DPP10: variants seen among roughly 807,000 people sequenced by gnomAD.
DPP10 encodes the protein inactive dipeptidyl peptidase 10.
In DPP10, 33 loss-of-function variants were observed where a neutral mutation model predicts 120.9. That is an observed-to-expected ratio of 0.27 (90% CI 0.21 to 0.37). The LOEUF (loss-of-function observed/expected upper bound fraction) is 0.37. DPP10 is among the 10% of genes least tolerant of loss of function. The pLI is 1.00. For missense variants in DPP10, 816 were observed against 942.8 expected, an observed-to-expected ratio of 0.87 and a Z score of 1.76; for synonymous variants, 337 against 326.1, an observed-to-expected ratio of 1.03 and a Z score of -0.36.
At chr2:115,045,288 C>A (rs1411934005) in intron 1 of DPP10, among the ~76,000 whole-genome samples, 2 of 152,094 alleles carry the variant, frequency 1.3e-5, no homozygotes, top group African/African-American at 2.4e-5. Flanking sequence ...TAGTCTGCTG[C>A]CAGATATATT....
Position 115,743,643 on chromosome 2 carries a change from T to TTCCTATCACC in DPP10, c.853-2442_853-2441insCCTATCACCT, listed in dbSNP as rs1331326662. Among the ~76,000 whole-genome samples the TTCCTATCACC allele has an allele frequency of 1.3e-3, 199 of 151,312 alleles. 16 individuals carry two copies. The highest frequency in any genetic ancestry group is 6.0e-3 in the Admixed American group (88 of 14,608). On this transcript the variant is annotated intron_variant, in intron 9 of 25. Coordinates refer to ENST00000410059, the MANE Select transcript of DPP10 (RefSeq NM_020868.6). The stretch of plus-strand genomic sequence containing the variant: ...TATTTTAGGCACTTTACATAAATCT[T>TTCCTATCACC]TTTATTAGTTTATGAGATATTCTTA...
At chr2:115,522,449 C>T (rs923739035) in intron 4 of DPP10, among the ~76,000 whole-genome samples, 1 of 152,180 alleles carries the variant, frequency 6.6e-6, no homozygotes, top group Admixed American at 6.5e-5. Context: ...ATGTTCAACA[C>T]ATAAGATTCG....
chr2:114,733,624 G>A (rs1212417574), intron 1 of DPP10, among the ~76,000 whole-genome samples: 3 of 152,122 alleles, frequency 2.0e-5, no homozygotes. Context: ...AGATAGAGAG[G>A]AGAAAAGTTA....
chr2:114,925,329 C>A (rs532308867), intron 1 of DPP10, among the ~76,000 whole-genome samples: 1 of 151,924 alleles, frequency 6.6e-6, no homozygotes, highest in Non-Finnish European at 1.5e-5. Context: ...GGTCAGGAAC[C>A]AAACTTTAAA....
intron 5 of DPP10, among the ~76,000 whole-genome samples, chr2:115,543,911 C>T (rs1443738109): frequency 2.6e-5 from 4 of 151,722 alleles, no homozygotes; most frequent in South Asian, 2.1e-4. Flanking sequence ...TTCAATGCTG[C>T]GGTGTAAATT....
intron 3 of DPP10, among the ~76,000 whole-genome samples, chr2:115,438,427 C>T (rs1040706787): frequency 2.0e-5 from 3 of 152,080 alleles, no homozygotes; most frequent in African/African-American, 4.8e-5. Flanking sequence ...CATATACTTG[C>T]GTGCCAATTA....
intron 1 of DPP10, among the ~76,000 whole-genome samples, chr2:115,230,960 A>AG (rs1419964998): frequency 1.3e-5 from 2 of 152,042 alleles, no homozygotes; most frequent in African/African-American, 4.8e-5. Context: ...TAAGTGAGTT[A>AG]GGGGAAGCAA....
chr2:114,908,542 C>T (rs1694141759), intron 1 of DPP10, among the ~76,000 whole-genome samples: 1 of 151,828 alleles, frequency 6.6e-6, no homozygotes, highest in South Asian at 2.1e-4. Context: ...TTCCAGTGAG[C>T]TGGATGAGTT....
intron 1 of DPP10, among the ~76,000 whole-genome samples, chr2:115,205,361 TTA>T (rs746633988): frequency 9.3e-4 from 142 of 152,148 alleles, no homozygotes; most frequent in Non-Finnish European, 1.7e-3. Context: ...TTTTTCTTTA[TTA>T]CTTATTTCTG....
chr2:114,557,355 T>G (rs1558878450), intron 1 of DPP10, among the ~76,000 whole-genome samples: 1 of 152,098 alleles, frequency 6.6e-6, no homozygotes. Flanking sequence ...CTGCAGCCTA[T>G]AGGTGGGGCA....
intron 4 of DPP10, among the ~76,000 whole-genome samples, chr2:115,519,139 T>A (rs1161534962): frequency 1.3e-5 from 2 of 152,202 alleles, no homozygotes; most frequent in African/African-American, 4.8e-5. Context: ...CCTATTTTTT[T>A]AAGTTATTAA....
chr2:114,519,438 C>T (rs997745584), intron 1 of DPP10, among the ~76,000 whole-genome samples: 3 of 152,212 alleles, frequency 2.0e-5, no homozygotes, highest in African/African-American at 2.4e-5. Context: ...ACTTTGCATA[C>T]ATTGATCTAA....
intron 5 of DPP10, among the ~76,000 whole-genome samples, chr2:115,667,905 G>A (rs929845389): frequency 2.6e-5 from 4 of 151,692 alleles, no homozygotes; most frequent in Non-Finnish European, 4.4e-5. Flanking sequence ...TTGTCCACTA[G>A]ATTCTTTAAC....
chr2:115,099,747 C>T (rs1345517277), intron 1 of DPP10, among the ~76,000 whole-genome samples: 1 of 152,078 alleles, frequency 6.6e-6, no homozygotes, highest in Non-Finnish European at 1.5e-5. Flanking sequence ...GGATGGGTCC[C>T]CTCAGTGTGT....
chr2:115,448,830 G>GA (rs2072853863), intron 3 of DPP10, among the ~76,000 whole-genome samples: 1 of 151,934 alleles, frequency 6.6e-6, no homozygotes, highest in Admixed American at 6.6e-5. Flanking sequence ...TGAATTGTTT[G>GA]AAAAAGTTCT....
chr2:114,713,841 CG>C (rs1215804597), intron 1 of DPP10, among the ~76,000 whole-genome samples: 4 of 151,622 alleles, frequency 2.6e-5, no homozygotes, highest in Non-Finnish European at 5.9e-5. Context: ...CAAAAATAGC[CG>C]GGCGTGGTAG....
At chr2:114,442,970 C>T in intron 1 of DPP10, 132 bp downstream of exon 1, 1 of 1,105,500 alleles carries the variant, frequency 9.0e-7, no homozygotes. Context: ...AAGGTTGAGT[C>T]ACAATAAAGC....
intron 1 of DPP10, among the ~76,000 whole-genome samples, chr2:114,444,860 A>G (rs1244677241): frequency 1.3e-5 from 2 of 152,182 alleles, no homozygotes; most frequent in Admixed American, 6.5e-5. Context: ...TAAAATATAT[A>G]TAGTCGCAAG....
intron 1 of DPP10, among the ~76,000 whole-genome samples, chr2:115,291,961 C>T (rs151079344): frequency 6.6e-6 from 1 of 152,202 alleles, no homozygotes; most frequent in African/African-American, 2.4e-5. Context: ...ATCAGAGAAA[C>T]CCAGAACTGG....
Sources: gnomAD v4.1 joint callset for allele counts (sites outside exome capture counted in the v4.1 genomes callset) on GRCh38, gnomAD v4.1.1 for gene constraint, MANE v1.5 for transcripts, NCBI Gene and HGNC (gene_info 2026-07-23, HGNC 2026-07-21) for gene names.